Variants in APBB1IP observed in about 807,000 individuals in gnomAD.
APBB1IP encodes the protein amyloid beta A4 precursor protein-binding family B member 1-interacting protein.
In APBB1IP, 27 loss-of-function variants were observed where a neutral mutation model predicts 64.9. That is an observed-to-expected ratio of 0.42 (90% CI 0.31 to 0.57). The LOEUF (loss-of-function observed/expected upper bound fraction) is 0.57, where lower values mean the gene tolerates loss of function less well. APBB1IP is among the 20% of genes least tolerant of loss of function. The pLI is 0.20. For synonymous variants in APBB1IP, 392 were observed against 331.0 expected (o/e 1.18, Z -2.00); for missense variants, 812 against 845.5 (o/e 0.96, Z 0.49).
At chr10:26,529,650 C>A (rs1173566905) in intron 8 of APBB1IP, among the ~76,000 whole-genome samples, 2 of 151,782 alleles carry the variant, frequency 1.3e-5, no homozygotes, top group African/African-American at 2.4e-5. Flanking sequence ...TTAATTTTTC[C>A]TTTTTCCTGA....
chr10:26,454,826 C>T (rs2992265), intron 2 of APBB1IP, among the ~76,000 whole-genome samples: 37,211 of 152,058 alleles, frequency 0.24, 4,864 homozygotes, highest in East Asian at 0.49. Context: ...ATATATACAC[C>T]TATGTACCCA....
At chr10:26,540,185 A>G (rs1836679868) in intron 10 of APBB1IP, among the ~76,000 whole-genome samples, 1 of 152,246 alleles carries the variant, frequency 6.6e-6, no homozygotes, top group Non-Finnish European at 1.5e-5. Flanking sequence ...AGTTAAATAA[A>G]TCGTTACACC....
chr10:26,549,096 A>G (rs1836800976), intron 11 of APBB1IP, among the ~76,000 whole-genome samples: 1 of 152,080 alleles, frequency 6.6e-6, no homozygotes, highest in African/African-American at 2.4e-5. Flanking sequence ...TTGGTTTTTA[A>G]TCTTTATTCT....
chr10:26,513,882 G>T (rs537200302), intron 8 of APBB1IP, among the ~76,000 whole-genome samples: 1 of 152,240 alleles, frequency 6.6e-6, no homozygotes, highest in Non-Finnish European at 1.5e-5. Flanking sequence ...ACAGGCATGG[G>T]CCACCAGGCC....
At chr10:26,535,978 T>C in intron 9 of APBB1IP, 96 bp from the exon 10 acceptor site, 1 of 1,340,546 alleles carries the variant, frequency 7.5e-7, no homozygotes, top group African/African-American at 1.5e-5. Flanking sequence ...AAATTGACTT[T>C]TAGTTTAAAA....
chr10:26,545,398 A>G (rs1460135493), intron 11 of APBB1IP, among the ~76,000 whole-genome samples: 4 of 151,528 alleles, frequency 2.6e-5, no homozygotes, highest in Admixed American at 6.6e-5. Context: ...GCCAAGGCGG[A>G]TGGATCACCT....
intron 8 of APBB1IP, among the ~76,000 whole-genome samples, chr10:26,516,543 C>CAAAAAAAAAAAAAAAAAAAAAAAAAAA (rs71401901): frequency 1.9e-4 from 9 of 47,202 alleles, no homozygotes; most frequent in African/African-American, 9.8e-4. Context: ...GACTCCATCT[C>CAAAAAAAAAAAAAAAAAAAAAAAAAAA]AAAAAAAAAA....
At chr10:26,469,322 C>T (rs1369814823) in intron 2 of APBB1IP, among the ~76,000 whole-genome samples, 4 of 133,816 alleles carry the variant, frequency 3.0e-5, no homozygotes, top group African/African-American at 1.2e-4. Flanking sequence ...TGCAGTGGAG[C>T]GATCTCAGCT....
chr10:26,447,933 A>G (rs1035441931), intron 2 of APBB1IP, among the ~76,000 whole-genome samples: 1 of 152,112 alleles, frequency 6.6e-6, no homozygotes, highest in African/African-American at 2.4e-5. Context: ...ACTGTGCCCA[A>G]CTGTGATGTT....
intron 8 of APBB1IP, among the ~76,000 whole-genome samples, chr10:26,516,702 A>G (rs1836335760): frequency 6.6e-6 from 1 of 152,074 alleles, no homozygotes; most frequent in East Asian, 1.9e-4. Context: ...AGAAGATAAG[A>G]TGAACATAGA....
Position 26,487,783 on chromosome 10 carries a change from T to C in APBB1IP, c.1-4544T>C, listed in dbSNP as rs118048742. Among the ~76,000 whole-genome samples, 645 of 152,308 alleles carry C rather than the reference T, an allele frequency of 4.2e-3. 4 individuals are homozygous for C. The highest frequency in any genetic ancestry group is 7.6e-3 in the Admixed American group (117 of 15,300). ...AGTGGGTTTTTCTGACTCATCGATGTCACATTTCCAGACTTTATTTTAGTG... is the reference window on the plus strand; with the variant it reads ...AGTGGGTTTTTCTGACTCATCGATGCCACATTTCCAGACTTTATTTTAGTG... On this transcript the variant is annotated intron_variant, in intron 2 of 14. Coordinates refer to ENST00000376236, the MANE Select transcript of APBB1IP (RefSeq NM_019043.4).
Position 26,473,002 on chromosome 10 carries a change from C to A in APBB1IP, c.1-19325C>A, listed in dbSNP as rs143231232. ...TTATTCATAGAGGTACATATCATTT[C>A]TTCTTAGGATTACAAAAGAAGTGTG... On this transcript the variant is annotated intron_variant, in intron 2 of 14. Transcript: ENST00000376236. 1.2e-3 allele frequency among the ~76,000 whole-genome samples: 188 copies of A among 152,074 alleles called. 1 individual carries two copies. Among genetic ancestry groups the A allele is most frequent in the Middle Eastern group, 6.8e-3 (2 of 292 alleles).
rs147357380 is a variant in APBB1IP at position 26,549,154 on chromosome 10, C to T, written c.1155+7462C>T. Among the ~76,000 whole-genome samples, 54 of 152,146 alleles carry T rather than the reference C, an allele frequency of 3.5e-4. No homozygotes were observed. The East Asian group carries it at 5.4e-3, about 15-fold the overall frequency. ...ATTGATTTGTATATGCTAAACTATC[C>T]TTGTATTGCTGGGATGAATCCCACT... On this transcript the variant is annotated intron_variant, in intron 11 of 14. Coordinates refer to ENST00000376236, the MANE Select transcript of APBB1IP (RefSeq NM_019043.4).
intron 2 of APBB1IP, among the ~76,000 whole-genome samples, chr10:26,449,846 CA>C (rs1303075090): frequency 3.3e-5 from 5 of 151,950 alleles, no homozygotes; most frequent in African/African-American, 1.2e-4. Context: ...CCTGTCTCTA[CA>C]AAAAAATGAA....
At chr10:26,562,999 T>G (rs1156678498) in intron 14 of APBB1IP, among the ~76,000 whole-genome samples, 1 of 152,210 alleles carries the variant, frequency 6.6e-6, no homozygotes, top group Non-Finnish European at 1.5e-5. Context: ...ATTAGCTATG[T>G]TTACTTTGAC....
intron 2 of APBB1IP, among the ~76,000 whole-genome samples, chr10:26,439,795 G>A (rs1835320771): frequency 6.6e-6 from 1 of 152,204 alleles, no homozygotes; most frequent in African/African-American, 2.4e-5. Context: ...GCATAACGTG[G>A]TTTAAACAAA....
At chr10:26,448,090 A>G (rs1835421250) in intron 2 of APBB1IP, among the ~76,000 whole-genome samples, 1 of 152,180 alleles carries the variant, frequency 6.6e-6, no homozygotes, top group African/African-American at 2.4e-5. Context: ...AATGTTTGAA[A>G]TTATATTTAA....
At chr10:26,499,199 G>A (rs573803619) in intron 4 of APBB1IP, among the ~76,000 whole-genome samples, 37 of 152,082 alleles carry the variant, frequency 2.4e-4, no homozygotes, top group African/African-American at 7.0e-4. Context: ...CCATGAGGTC[G>A]AGGCTACAGT....
chr10:26,557,533 A>G (rs1836909301), intron 11 of APBB1IP, among the ~76,000 whole-genome samples: 1 of 152,222 alleles, frequency 6.6e-6, no homozygotes, highest in Non-Finnish European at 1.5e-5. Context: ...ATTTTTCCGT[A>G]GTCTCTTCCA....
Sources: allele counts gnomAD v4.1 joint callset (sites outside exome capture counted in the v4.1 genomes callset), GRCh38; gene constraint gnomAD v4.1.1; transcripts MANE v1.5; gene names NCBI Gene and HGNC (gene_info 2026-07-23, HGNC 2026-07-21).